Variants in CYP2D6 observed in about 807,000 individuals in gnomAD.
CYP2D6 encodes cytochrome P450 2D6.
CYP2D6 carries 51 observed loss-of-function variants against 43.5 expected under a neutral mutation model. The ratio of observed to expected loss-of-function variants is 1.17; its 90% CI spans 0.94 to 1.48. The LOEUF is 1.48. Among genes scored for constraint, CYP2D6 ranks in the 40% most tolerant of loss-of-function variants. The pLI is 0.00. For missense variants in CYP2D6, 698 were observed against 688.0 expected (o/e 1.01, Z -0.16); for synonymous variants, 346 against 297.1 (o/e 1.16, Z -1.69).
Position 42,126,989 on chromosome 22 carries a change from T to C in CYP2D6, c.1177A>G (p.Thr393Ala). 6.2e-7 allele frequency: 1 copy of C among 1,605,688 alleles called. No homozygotes were observed. The highest frequency in any genetic ancestry group is 8.5e-7 in the Non-Finnish European group (1 of 1,175,884). ...EVQGFRIPKGTTLITNLSSVL... is the reference protein window; with the variant it reads ...EVQGFRIPKGATLITNLSSVL... ...GATGACAGGTTGGTGATGAGTGTCG[T>C]TCCCTGGGCAGGAGATGCAGGGTGA... The change falls in exon 8 of 9, where the codon ACG (threonine) becomes GCG (alanine). Residue 393 changes from threonine to alanine, a missense_variant. By Grantham distance (58) the Thr-to-Ala change is moderately conservative. This residue lies in a region of CYP2D6 where 16 missense variants were observed against 30.5 expected (regional missense o/e 0.52). Coordinates refer to ENST00000645361, the MANE Select transcript of CYP2D6 (RefSeq NM_000106.6).
intron 5 of CYP2D6, 31 bp downstream of exon 5, chr22:42,128,143 C>T (rs766505714): frequency 2.5e-6 from 4 of 1,590,244 alleles, no homozygotes; most frequent in African/African-American, 2.7e-5. Flanking sequence ...AACCCACCAC[C>T]CTTGCCCCCC....
rs2146944902 is a variant in CYP2D6, at chr22:42,130,755, C to T, written c.37G>A (p.Val13Met). Residue 13 changes from valine to methionine, a missense_variant, in exon 1 of 9, where the codon GTG (valine) becomes ATG (methionine). Val to Met is a conservative substitution (Grantham distance 21). Transcript: ENST00000645361. ...TCCACCAGGAGCAGGAAGATGGCCA[C>T]TATCACGGCCAGGGGCACCAGTGCT... ...LEALVPLAVI[V>M]AIFLLLVDLM... 1.9e-6 allele frequency: 3 copies of T among 1,590,196 alleles called. No homozygotes were observed. The highest frequency in any genetic ancestry group is 2.6e-6 in the Non-Finnish European group (3 of 1,167,570).
chr22:42,129,292 T>A, intron 2 of CYP2D6, 107 bp from the exon 3 acceptor site: 1 of 1,407,806 alleles, frequency 7.1e-7, no homozygotes, highest in Non-Finnish European at 9.8e-7. Context: ...TCCCTGGCTC[T>A]GTCCAGCTGG....
In CYP2D6 at chr22:42,127,761, C is replaced by T. The variant is rs267608291; in HGVS notation, c.985+81G>A. ...CTGGTCAAGCCTGTGCTTGGAGCCC[C>T]GGGTGTCCCAGCAAAGTTCATGGGC... On this transcript the variant is annotated intron_variant, in intron 6 of 8. Transcript: ENST00000645361. 4.9e-5 allele frequency: 78 copies of T among 1,581,296 alleles called. 5 individuals are homozygous for T. The highest frequency in any genetic ancestry group is 1.7e-4 in the Middle Eastern group (1 of 6,034).
In CYP2D6 at chr22:42,128,119, C is replaced by T. The variant is rs942856079; in HGVS notation, c.843+55G>A. 6.3e-6 allele frequency: 10 copies of T among 1,579,330 alleles called. No individual in the cohort carries two copies. The African/African-American group carries it at 6.8e-5, about 11-fold the overall frequency. On this transcript the variant is annotated intron_variant, in intron 5 of 8. Transcript: ENST00000645361. ...CCTTTTGCCCAGCCTCCCCTCATTC[C>T]TCCTGGGACGCTCAACCCACCACCC...
rs554540676 is a variant in CYP2D6 at position 42,127,822 on chromosome 22, T to G, written c.985+20A>C. The G allele has an allele frequency of 9.4e-5, 151 of 1,610,254 alleles. No homozygotes were observed. The Middle Eastern group carries it at 1.3e-3, about 14-fold the overall frequency. The stretch of plus-strand genomic sequence containing the variant: ...ACCCTTCCTCCCTCGGCCCCTGCAC[T>G]GTTTCCCAGATGGGCTCACGCTGCA... On this transcript the variant is annotated intron_variant, in intron 6 of 8. Transcript: ENST00000645361.
Position 42,129,805 on chromosome 22 carries a change from G to C in CYP2D6, c.285C>G (p.Gly95=), listed in dbSNP as rs770606097. ...AAVREALVTH[G]EDTADRPPVP... ...CAGGCGGGCGGTCGGCGGTGTCCTC[G>C]CCGTGGGTCACCAGCGCCTCGCGCA... is the stretch of plus-strand genomic sequence containing the variant. The change falls in exon 2 of 9, where the codon GGC becomes GGG. Residue 95 remains glycine, a synonymous_variant. Transcript: ENST00000645361. 1 of 1,605,904 alleles carries C rather than the reference G, an allele frequency of 6.2e-7. No individual in the cohort carries two copies. The highest frequency in any genetic ancestry group is 2.2e-5 in the East Asian group (1 of 44,726).
At chr22:42,129,416 GC>G in intron 2 of CYP2D6, 3 of 777,468 alleles carry the variant, frequency 3.9e-6, no homozygotes, top group South Asian at 2.9e-5. Flanking sequence ...GACCCCGCGG[GC>G]CCCGCGCCAC....
chr22:42,129,101 T>G lies in CYP2D6; in HGVS notation c.437A>C (p.Lys146Thr). 1 of 1,610,574 alleles carries G rather than the reference T, an allele frequency of 6.2e-7. No homozygotes were observed. The highest frequency in any genetic ancestry group is 8.5e-7 in the Non-Finnish European group (1 of 1,177,958). Residue 146 changes from lysine to threonine, a missense_variant, in exon 3 of 9, where the codon AAG (lysine) becomes ACG (threonine). Lys to Thr is a moderately conservative substitution (Grantham distance 78). This residue lies in a region of CYP2D6 where 588 missense variants were observed against 521.1 expected (regional missense o/e 1.13). Coordinates refer to ENST00000645361, the MANE Select transcript of CYP2D6 (RefSeq NM_000106.6). ...VSTLRNLGLG[K>T]KSLEQWVTEE... is the part of the protein sequence containing the mutation. The stretch of plus-strand genomic sequence containing the variant: ...GGTCACCCACTGCTCCAGCGACTTC[T>G]TGCCCAGGCCCAAGTTGCGCAAGGT...
Position 42,128,224 on chromosome 22 carries a change from C to T in CYP2D6, c.793G>A (p.Ala265Thr). ...LTEHRMTWDP[A>T]QPPRDLTEAF... ...TCAGTCAGGTCTCGGGGGGGCTGGG[C>T]TGGGTCCCAGGTCATCCTGTGCTCA... Residue 265 changes from alanine to threonine, a missense_variant, in exon 5 of 9, where the codon GCC becomes ACC. By Grantham distance (58) the Ala-to-Thr change is moderately conservative. Around this residue, in one of 5 missense-constraint regions of CYP2D6, gnomAD observed 588 missense variants for 521.1 expected, o/e 1.13. Transcript: ENST00000645361. The T allele has an allele frequency of 1.2e-6, 2 of 1,610,168 alleles. No homozygotes were observed. Among genetic ancestry groups the T allele is most frequent in the Non-Finnish European group, 1.7e-6 (2 of 1,177,834 alleles).
At position 42,130,709 on chromosome 22, in the gene CYP2D6, C is replaced by G. The variant is rs377617003; in HGVS notation, c.83G>C (p.Arg28Pro). The change falls in exon 1 of 9, where the codon CGC becomes CCC. Residue 28 changes from arginine to proline, a missense_variant. Around this residue, in one of 5 missense-constraint regions of CYP2D6, gnomAD observed 588 missense variants for 521.1 expected, o/e 1.13. Coordinates refer to ENST00000645361, the MANE Select transcript of CYP2D6 (RefSeq NM_000106.6). ...GCCTGGTGGGTAGCGTGCAGCCCAG[C>G]GTTGGCGCCGGTGCATCAGGTCCAC... ...LLVDLMHRRQ[R>P]WAARYPPGPL... 1 of 1,603,586 alleles carries G rather than the reference C, an allele frequency of 6.2e-7. No homozygotes were observed. Among genetic ancestry groups the G allele is most frequent in the African/African-American group, 1.3e-5 (1 of 74,124 alleles).
Position 42,127,849 on chromosome 22 carries a change from A to G in CYP2D6, c.978T>C (p.Asp326=), listed in dbSNP as rs369176838. Residue 326 remains aspartate, a synonymous_variant, in exon 6 of 9, where the codon GAT becomes GAC. Transcript: ENST00000645361. ...WGLLLMILHP[D]VQRRVQQEID... is the part of the protein sequence containing the mutation. ...TTTCCCAGATGGGCTCACGCTGCAC[A>G]TCCGGATGTAGGATCATGAGCAGGA... The G allele has an allele frequency of 1.9e-6, 3 of 1,610,564 alleles. No individual in the cohort carries two copies. Among genetic ancestry groups the G allele is most frequent in the Non-Finnish European group, 2.5e-6 (3 of 1,177,970 alleles).
intron 5 of CYP2D6, 40 bp downstream of exon 5, chr22:42,128,134 A>G (rs1183681670): frequency 2.5e-6 from 4 of 1,583,560 alleles, no homozygotes; most frequent in Admixed American, 3.6e-5. Flanking sequence ...GGGACGCTCA[A>G]CCCACCACCC....
At chr22:42,128,761 C>T (rs772740869) in intron 4 of CYP2D6, 23 bp downstream of exon 4, 11 of 1,596,526 alleles carry the variant, frequency 6.9e-6, no homozygotes, top group East Asian at 6.8e-5. Flanking sequence ...CCTGCAGAGA[C>T]TCCTCGGTCT....
chr22:42,127,813 C>G (rs746324085), intron 6 of CYP2D6, 29 bp downstream of exon 6: 1 of 1,609,044 alleles, frequency 6.2e-7, no homozygotes, highest in African/African-American at 1.3e-5. Flanking sequence ...CCTCCCTCGG[C>G]CCCTGCACTG....
Position 42,129,853 on chromosome 22 carries a change from G to A in CYP2D6, c.237C>T (p.Val79=), listed in dbSNP as rs771888189. The A allele has an allele frequency of 1.1e-5, 17 of 1,597,188 alleles. 1 individual carries two copies. In the African/African-American group the frequency reaches 2.0e-4, roughly 19 times the overall value. The change falls in exon 2 of 9, where the codon GTC becomes GTT. Residue 79 remains valine, a synonymous_variant. Coordinates refer to ENST00000645361, the MANE Select transcript of CYP2D6 (RefSeq NM_000106.6). ...GCACGGCCGCCAGCCCATTGAGCAC[G>A]ACCACCGGCGTCCAGGCCAGCTGCA... ...FSLQLAWTPV[V]VLNGLAAVRE...
Position 42,127,316 on chromosome 22 carries a change from G to A in CYP2D6, c.1173+131C>T, listed in dbSNP as rs1397179620. 2.8e-5 allele frequency: 34 copies of A among 1,213,386 alleles called. No homozygotes were observed. In the East Asian group the frequency reaches 7.8e-4, roughly 28 times the overall value. 75.2% of individuals were successfully genotyped at this position (1,213,386 alleles called of 1,614,324 possible). ...TACTCTGGACCCCCCACCCAAGTGG[G>A]GACAGTCAGTGTGGTGGCATTGAGG... On this transcript the variant is annotated intron_variant, in intron 7 of 8. Transcript: ENST00000645361.
chr22:42,128,714 G>A, intron 4 of CYP2D6, 70 bp downstream of exon 4: 1 of 1,532,676 alleles, frequency 6.5e-7, no homozygotes, highest in Non-Finnish European at 8.9e-7. Context: ...GCTCTTCCGA[G>A]GCCCCAGTCC....
intron 2 of CYP2D6, among the ~76,000 whole-genome samples, 188 bp downstream of exon 2, chr22:42,129,550 C>T (rs1261976134): frequency 2.0e-5 from 3 of 151,538 alleles, no homozygotes; most frequent in Admixed American, 6.6e-5. Context: ...GCCCCGCCCA[C>T]TCGTCACAAG....
Sources: allele counts gnomAD v4.1 joint callset (sites outside exome capture counted in the v4.1 genomes callset), GRCh38; gene constraint gnomAD v4.1.1; regional missense constraint gnomAD v4.1.1; transcripts MANE v1.5; gene names NCBI Gene and HGNC (gene_info 2026-07-23, HGNC 2026-07-21).